SLC25A26: variants seen among roughly 807,000 people sequenced by gnomAD.
SLC25A26 encodes the protein mitochondrial S-adenosylmethionine carrier protein.
A neutral mutation model predicts 37.8 loss-of-function variants in SLC25A26; 36 were observed. The ratio of observed to expected loss-of-function variants is 0.95; its 90% CI spans 0.73 to 1.26. The LOEUF (loss-of-function observed/expected upper bound fraction) is 1.26, where lower values mean the gene tolerates loss of function less well. SLC25A26 is among the 50% of genes most tolerant of loss of function. SLC25A26 has a pLI of 0.00. For synonymous variants in SLC25A26, 129 were observed against 122.5 expected, an observed-to-expected ratio of 1.05 and a Z score of -0.35; for missense variants, 390 against 331.1, an observed-to-expected ratio of 1.18 and a Z score of -1.38.
intron 5 of SLC25A26, among the ~76,000 whole-genome samples, chr3:66,339,368 C>CT (rs2076156480): frequency 6.6e-6 from 1 of 151,894 alleles, no homozygotes; most frequent in African/African-American, 2.4e-5. Context: ...TGTGGCTTGC[C>CT]TTTTTATTAG....
intron 8 of SLC25A26, 113 bp downstream of exon 8, chr3:66,369,655 C>A: frequency 1.2e-6 from 1 of 862,068 alleles, no homozygotes; most frequent in Non-Finnish European, 1.9e-6. Flanking sequence ...GTAATAGCAT[C>A]TTATGCTGCC....
intron 5 of SLC25A26, among the ~76,000 whole-genome samples, chr3:66,294,422 G>C (rs1182838455): frequency 6.6e-6 from 1 of 152,154 alleles, no homozygotes; most frequent in Non-Finnish European, 1.5e-5. Context: ...TTTGGGCCGG[G>C]ACTATGGGGT....
At chr3:66,174,408 C>G (rs2070544572) in intron 1 of SLC25A26, among the ~76,000 whole-genome samples, 1 of 152,200 alleles carries the variant, frequency 6.6e-6, no homozygotes, top group Admixed American at 6.5e-5. Flanking sequence ...AGAAAAGAGA[C>G]ATTGTGCCTT....
At chr3:66,218,073 G>A (rs1397761480), upstream of SLC25A26, among the ~76,000 whole-genome samples, 1 of 150,322 alleles carries the variant, frequency 6.7e-6, no homozygotes. Context: ...GTCTTTTCCA[G>A]AATTTCACGT....
chr3:66,313,942 A>G (rs900491970), intron 5 of SLC25A26, among the ~76,000 whole-genome samples: 2 of 152,084 alleles, frequency 1.3e-5, no homozygotes, highest in Non-Finnish European at 2.9e-5. Flanking sequence ...CGTGTATAGG[A>G]ATGCTTGTGA....
At position 66,276,790 on chromosome 3, in the gene SLC25A26, AT is replaced by A. The variant is rs543979164; in HGVS notation, c.453+13422del. Reference sequence around the variant, plus strand: ...TGGAGAAGCAGAAATTTTTGTGAGGATTTTTTTTTTTCCCTTTTTGAATATA... The same window carrying A: ...TGGAGAAGCAGAAATTTTTGTGAGGATTTTTTTTTTCCCTTTTTGAATATA... On this transcript the variant is annotated intron_variant, in intron 5 of 9. Coordinates refer to ENST00000354883, the MANE Select transcript of SLC25A26 (RefSeq NM_001379210.1). 2.0e-3 allele frequency among the ~76,000 whole-genome samples: 294 copies of A among 146,288 alleles called. 2 individuals carry two copies. The highest frequency in any genetic ancestry group is 8.5e-3 in the South Asian group (39 of 4,608).
At chr3:66,336,605 G>A (rs2076096998) in intron 5 of SLC25A26, among the ~76,000 whole-genome samples, 1 of 152,150 alleles carries the variant, frequency 6.6e-6, no homozygotes. Context: ...ACTACTGCCT[G>A]GCTATTTTCT....
At chr3:66,146,510 T>G (rs575443086) in intron 1 of SLC25A26, among the ~76,000 whole-genome samples, 1 of 152,090 alleles carries the variant, frequency 6.6e-6, no homozygotes, top group Non-Finnish European at 1.5e-5. Flanking sequence ...TATTTTCATA[T>G]TTTTTCTATA....
chr3:66,249,677 T>G (rs1377584739), intron 3 of SLC25A26, among the ~76,000 whole-genome samples: 1 of 152,260 alleles, frequency 6.6e-6, no homozygotes, highest in Non-Finnish European at 1.5e-5. Flanking sequence ...CAATACAGAT[T>G]ATCTCTCCCT....
intron 5 of SLC25A26, among the ~76,000 whole-genome samples, chr3:66,290,041 GT>G (rs780988050): frequency 2.6e-5 from 4 of 152,038 alleles, no homozygotes; most frequent in Non-Finnish European, 5.9e-5. Context: ...CACATCTGTT[GT>G]AAGTTGTAGT....
chr3:66,229,668 C>G (rs2071918998), intron 1 of SLC25A26, among the ~76,000 whole-genome samples: 1 of 152,204 alleles, frequency 6.6e-6, no homozygotes, highest in African/African-American at 2.4e-5. Context: ...ATACATGACC[C>G]TGTCTCAGGT....
intron 5 of SLC25A26, among the ~76,000 whole-genome samples, chr3:66,301,188 T>C (rs576074667): frequency 1.9e-4 from 29 of 152,340 alleles, no homozygotes; most frequent in African/African-American, 7.0e-4. Flanking sequence ...CAACTCAAAA[T>C]TGCCAGTTTC....
At chr3:66,197,050 G>A (rs940498135) in intron 1 of SLC25A26, among the ~76,000 whole-genome samples, 36 of 152,136 alleles carry the variant, frequency 2.4e-4, no homozygotes, top group Middle Eastern at 6.8e-3. Flanking sequence ...GTAAGAATGC[G>A]CCTTTGAAAG....
intron 6 of SLC25A26, among the ~76,000 whole-genome samples, chr3:66,362,078 C>T (rs975811853): frequency 3.3e-5 from 5 of 152,086 alleles, no homozygotes; most frequent in African/African-American, 1.2e-4. Flanking sequence ...TGTGGAGAAA[C>T]CAGAACTCAA....
At chr3:66,302,977 G>C (rs370063799) in intron 5 of SLC25A26, among the ~76,000 whole-genome samples, 22 of 152,172 alleles carry the variant, frequency 1.4e-4, no homozygotes, top group African/African-American at 5.3e-4. Context: ...GTGTCCATGG[G>C]GACCCCCCTT....
At chr3:66,272,112 A>G (rs77048548) in intron 5 of SLC25A26, among the ~76,000 whole-genome samples, 2,938 of 152,290 alleles carry the variant, frequency 0.019, 42 homozygotes, top group Non-Finnish European at 0.033. Flanking sequence ...ACATTTACCA[A>G]GTACTTAAAA....
chr3:66,160,248 C>G (rs937192620), intron 1 of SLC25A26, among the ~76,000 whole-genome samples: 3 of 152,144 alleles, frequency 2.0e-5, no homozygotes, highest in African/African-American at 4.8e-5. Flanking sequence ...CCTCAGCATG[C>G]CAAAGTGCTG....
At chr3:66,257,795 T>G (rs1360865343) in intron 3 of SLC25A26, among the ~76,000 whole-genome samples, 2 of 152,168 alleles carry the variant, frequency 1.3e-5, no homozygotes, top group Non-Finnish European at 2.9e-5. Context: ...ACGACGGTAG[T>G]GTACACTTGC....
intron 1 of SLC25A26, among the ~76,000 whole-genome samples, chr3:66,163,883 T>A (rs2106717447): frequency 6.6e-6 from 1 of 152,328 alleles, no homozygotes; most frequent in South Asian, 2.1e-4. Flanking sequence ...GGGGGATATT[T>A]GGAAGTCCCT....
Sources: allele counts gnomAD v4.1 joint callset (sites outside exome capture counted in the v4.1 genomes callset), GRCh38; gene constraint gnomAD v4.1.1; transcripts MANE v1.5; gene names NCBI Gene and HGNC (gene_info 2026-07-23, HGNC 2026-07-21).